The following ARPP21 variants were observed in gnomAD, a reference collection of about 807,000 sequenced individuals.
The protein encoded by ARPP21 is cAMP regulated phosphoprotein 21.
A neutral mutation model predicts 113.2 loss-of-function variants in ARPP21; 69 were observed. The observed-to-expected ratio is 0.61, with a 90% CI of 0.50 to 0.74. ARPP21 has a LOEUF of 0.74. ARPP21 is among the 30% of genes least tolerant of loss of function. The pLI is 0.00. For missense variants in ARPP21, 1,070 were observed against 1,037.4 expected (o/e 1.03, Z -0.43); for synonymous variants, 368 against 375.5 (o/e 0.98, Z 0.23).
intron 19 of ARPP21, among the ~76,000 whole-genome samples, chr3:35,752,914 A>G (rs762081226): frequency 3.9e-5 from 6 of 152,086 alleles, no homozygotes; most frequent in Admixed American, 6.6e-5. Flanking sequence ...ATTTAGAATT[A>G]ATATGCTAAT....
intron 17 of ARPP21, 77 bp from the exon 18 acceptor site, chr3:35,739,240 C>T: frequency 5.3e-6 from 8 of 1,518,900 alleles, no homozygotes; most frequent in Non-Finnish European, 5.4e-6. Context: ...AGAATGTGTC[C>T]TGTGTCTGCC....
intron 12 of ARPP21, 123 bp from the exon 13 acceptor site, chr3:35,717,175 A>G (rs1453825524): frequency 3.5e-6 from 2 of 568,336 alleles, no homozygotes; most frequent in Admixed American, 2.8e-5. Flanking sequence ...AAAATTCAAC[A>G]TCATATAAAT....
intron 1 of ARPP21, among the ~76,000 whole-genome samples, chr3:35,642,988 T>C (rs1221254973): frequency 6.6e-6 from 1 of 152,132 alleles, no homozygotes; most frequent in South Asian, 2.1e-4. Flanking sequence ...ACTTTTGTAA[T>C]GTCACAATAA....
chr3:35,793,613 T>C, intron 20 of ARPP21, 88 bp from the exon 21 acceptor site: 1 of 901,138 alleles, frequency 1.1e-6, no homozygotes, highest in Non-Finnish European at 1.8e-6. Flanking sequence ...AACTCAAAAG[T>C]TTGAATATTT....
intron 6 of ARPP21, 72 bp from the exon 7 acceptor site, chr3:35,689,235 G>A: frequency 5.1e-6 from 4 of 781,898 alleles, no homozygotes; most frequent in South Asian, 4.1e-5. Flanking sequence ...AAACAGGATA[G>A]GTTGGGGAAA....
intron 19 of ARPP21, among the ~76,000 whole-genome samples, chr3:35,765,065 G>T (rs1036131479): frequency 2.6e-5 from 4 of 151,986 alleles, no homozygotes; most frequent in Non-Finnish European, 5.9e-5. Flanking sequence ...TTCTACTTAG[G>T]TTAATTATTT....
At chr3:35,789,198 G>C (rs752763276) in intron 19 of ARPP21, among the ~76,000 whole-genome samples, 6 of 152,176 alleles carry the variant, frequency 3.9e-5, no homozygotes, top group Non-Finnish European at 5.9e-5. Context: ...CATTTGAATA[G>C]ACAAGATAAG....
intron 9 of ARPP21, among the ~76,000 whole-genome samples, chr3:35,693,707 T>G (rs2149695803): frequency 6.6e-6 from 1 of 151,808 alleles, no homozygotes; most frequent in African/African-American, 2.4e-5. Context: ...TGTGAAAAAC[T>G]TCAGAGTTGT....
chr3:35,680,615 G>C (rs1349541615), intron 2 of ARPP21, among the ~76,000 whole-genome samples: 4 of 151,826 alleles, frequency 2.6e-5, no homozygotes, highest in Non-Finnish European at 5.9e-5. Context: ...TATTTGTCTA[G>C]TAATAATTAC....
intron 11 of ARPP21, among the ~76,000 whole-genome samples, chr3:35,711,542 A>G (rs9847166): frequency 0.039 from 5,867 of 152,252 alleles, 170 homozygotes; most frequent in Admixed American, 0.079. Context: ...GCAGCTGAAA[A>G]CAAACACTTA....
At chr3:35,698,553 A>G (rs938591432) in intron 9 of ARPP21, among the ~76,000 whole-genome samples, 2 of 151,618 alleles carry the variant, frequency 1.3e-5, no homozygotes, top group African/African-American at 4.8e-5. Flanking sequence ...GCCATTTTAA[A>G]GGAGAGAAAA....
intron 18 of ARPP21, among the ~76,000 whole-genome samples, chr3:35,742,550 T>C (rs746821235): frequency 9.2e-5 from 14 of 152,232 alleles, no homozygotes; most frequent in Non-Finnish European, 1.6e-4. Context: ...AATATCCATA[T>C]GTTATGTAGC....
chr3:35,661,930 G>T (rs1044867885), intron 1 of ARPP21, among the ~76,000 whole-genome samples: 1 of 152,104 alleles, frequency 6.6e-6, no homozygotes, highest in Non-Finnish European at 1.5e-5. Flanking sequence ...ATAGTATCTT[G>T]AATGCCTATT....
Position 35,737,296 on chromosome 3 carries a change from C to T in ARPP21, c.1578C>T (p.Pro526=). ...AACAGCAGCCACCACAGCAGCAGCCCTCCCCGCAGCCCCAACAGCAGGTCC... is the reference window on the plus strand; with the variant it reads ...AACAGCAGCCACCACAGCAGCAGCCTTCCCCGCAGCCCCAACAGCAGGTCC... ...QSQQQPPQQQ[P]SPQPQQQVQP... The change falls in exon 16 of 21, where the codon CCC becomes CCT. Residue 526 remains proline (P), a synonymous_variant. Transcript: ENST00000684406. The T allele has an allele frequency of 6.2e-7, 1 of 1,613,118 alleles. No individual in the cohort carries two copies. The highest frequency in any genetic ancestry group is 8.5e-7 in the Non-Finnish European group (1 of 1,179,350).
chr3:35,689,209 T>A, intron 6 of ARPP21, 98 bp from the exon 7 acceptor site: 1 of 707,428 alleles, frequency 1.4e-6, no homozygotes, highest in Non-Finnish European at 2.6e-6. Flanking sequence ...CACCTAAAAT[T>A]TATCTGAGCA....
intron 19 of ARPP21, among the ~76,000 whole-genome samples, chr3:35,775,706 A>C (rs1261259668): frequency 1.3e-5 from 2 of 152,160 alleles, no homozygotes; most frequent in African/African-American, 4.8e-5. Flanking sequence ...ATATATATTA[A>C]ATATAAGCTA....
chr3:35,729,566 C>G, intron 15 of ARPP21, 30 bp downstream of exon 15: 1 of 1,542,894 alleles, frequency 6.5e-7, no homozygotes, highest in Non-Finnish European at 9.0e-7. Flanking sequence ...ATCAGGGACA[C>G]AAGGCTTTCA....
chr3:35,693,313 C>T (rs2082811230), intron 9 of ARPP21, among the ~76,000 whole-genome samples: 1 of 151,508 alleles, frequency 6.6e-6, no homozygotes. Context: ...GTGTTGAGCT[C>T]AATAATGTTC....
At chr3:35,793,373 G>A (rs1295295871) in intron 20 of ARPP21, among the ~76,000 whole-genome samples, 1 of 152,156 alleles carries the variant, frequency 6.6e-6, no homozygotes, top group Non-Finnish European at 1.5e-5. Flanking sequence ...AGTTTCTAGA[G>A]GTCATTGAGA....
Sources: allele counts gnomAD v4.1 joint callset (sites outside exome capture counted in the v4.1 genomes callset), GRCh38; gene constraint gnomAD v4.1.1; transcripts MANE v1.5; gene names NCBI Gene and HGNC (gene_info 2026-07-23, HGNC 2026-07-21).